Variants in PDZRN3 observed in about 807,000 individuals in gnomAD.
The protein encoded by PDZRN3 is PDZ domain containing ring finger 3.
A neutral mutation model predicts 85.7 loss-of-function variants in PDZRN3; 38 were observed. That is an observed-to-expected ratio of 0.44 (90% CI 0.34 to 0.58). The LOEUF (loss-of-function observed/expected upper bound fraction) is 0.58. Ranked by LOEUF, PDZRN3 falls within the 20% of genes least tolerant of loss-of-function variation. The probability of loss-of-function intolerance (pLI) is 0.01; values close to 1 mark genes in which losing one functional copy is unlikely to be tolerated. For synonymous variants in PDZRN3, 759 were observed against 638.0 expected, an observed-to-expected ratio of 1.19 and a Z score of -2.86; for missense variants, 1,629 against 1,506.4, an observed-to-expected ratio of 1.08 and a Z score of -1.35.
intron 1 of PDZRN3, 132 bp downstream of exon 1, chr3:73,623,971 C>G (rs1702912409): frequency 1.1e-5 from 10 of 870,808 alleles, no homozygotes; most frequent in Non-Finnish European, 6.5e-6. Flanking sequence ...AGCTGGTAAG[C>G]AGTGGAAGAA....
At chr3:73,473,728 A>G (rs1303731560) in intron 3 of PDZRN3, among the ~76,000 whole-genome samples, 1 of 152,200 alleles carries the variant, frequency 6.6e-6, no homozygotes, top group Non-Finnish European at 1.5e-5. Context: ...AAATGCCAGG[A>G]GCAGACCCAC....
At chr3:73,527,934 G>A (rs767823274) in intron 3 of PDZRN3, among the ~76,000 whole-genome samples, 2 of 152,132 alleles carry the variant, frequency 1.3e-5, no homozygotes, top group Non-Finnish European at 2.9e-5. Context: ...CTTATCCCAC[G>A]ATGAGCAGAT....
chr3:73,436,991 A>G (rs183247042), intron 3 of PDZRN3, among the ~76,000 whole-genome samples: 2 of 151,120 alleles, frequency 1.3e-5, no homozygotes, highest in Admixed American at 1.3e-4. Context: ...GGTTGCAGTT[A>G]GCCAAGATGG....
At chr3:73,424,020 A>C (rs1702256206) in intron 3 of PDZRN3, among the ~76,000 whole-genome samples, 1 of 152,168 alleles carries the variant, frequency 6.6e-6, no homozygotes, top group African/African-American at 2.4e-5. Context: ...TATTTATACA[A>C]AATGAAGTTG....
rs997359821 is a variant in PDZRN3 at position 73,506,536 on chromosome 3, C to T, written c.918+95818G>A. Among the ~76,000 whole-genome samples, 3 of 151,992 alleles carry T rather than the reference C, an allele frequency of 2.0e-5. No individual in the cohort carries two copies. The South Asian group carries it at 6.2e-4, about 32-fold the overall frequency. ...TCCAACTAGATAACAATCAGCTACT[C>T]AAATAATCTAGTGCCACTTTTTACT... is the stretch of plus-strand genomic sequence containing the variant. On this transcript the variant is annotated intron_variant, in intron 3 of 9. Coordinates refer to ENST00000263666, the MANE Select transcript of PDZRN3 (RefSeq NM_015009.3).
chr3:73,618,558 T>G (rs1343188376), intron 1 of PDZRN3, among the ~76,000 whole-genome samples: 1 of 152,168 alleles, frequency 6.6e-6, no homozygotes, highest in Non-Finnish European at 1.5e-5. Context: ...GCACCTTAAG[T>G]GTATGGCACC....
chr3:73,398,461 T>G (rs1218954762), intron 5 of PDZRN3, among the ~76,000 whole-genome samples: 8 of 152,182 alleles, frequency 5.3e-5, no homozygotes, highest in Admixed American at 5.2e-4. Flanking sequence ...AAGTGCAGAT[T>G]CTGATTCTGA....
Position 73,384,394 on chromosome 3 carries a change from G to C in PDZRN3, c.2172C>G (p.Ser724Arg), listed in dbSNP as rs1208333223. ...TGCTGGTGTTGTAGTTGCGGAAGCC[G>C]CTGTTGTGCAGCATCCAGGACTCGC... ...QYRESWMLHN[S>R]GFRNYNTSID... Residue 724 changes from serine to arginine, a missense_variant, in exon 10 of 10, where the codon AGC becomes AGG. Coordinates refer to ENST00000263666, the MANE Select transcript of PDZRN3 (RefSeq NM_015009.3). The C allele has an allele frequency of 1.2e-6, 2 of 1,609,384 alleles. No homozygotes were observed.
rs561812130 is a variant in PDZRN3, at chr3:73,383,326, G to A, written c.*39C>T. The A allele has an allele frequency of 2.1e-5, 32 of 1,534,416 alleles. No homozygotes were observed. In the South Asian group the frequency reaches 3.7e-4, roughly 18 times the overall value. ...CGAGGCAGGAATTTCTACCCCAGTG[G>A]TAGTGGTCTCCTTTATGTACATAAT... On this transcript the variant is annotated 3_prime_UTR_variant, in exon 10 of 10. Coordinates refer to ENST00000263666, the MANE Select transcript of PDZRN3 (RefSeq NM_015009.3).
At chr3:73,470,327 A>C (rs931492703) in intron 3 of PDZRN3, among the ~76,000 whole-genome samples, 6 of 152,220 alleles carry the variant, frequency 3.9e-5, no homozygotes, top group African/African-American at 1.2e-4. Flanking sequence ...TAGATAACTA[A>C]AATTATACCA....
intron 3 of PDZRN3, among the ~76,000 whole-genome samples, chr3:73,503,233 T>C (rs1298941167): frequency 6.6e-6 from 1 of 152,210 alleles, no homozygotes; most frequent in African/African-American, 2.4e-5. Context: ...CTATACTTGT[T>C]TTAATGGTTC....
At chr3:73,577,307 C>T (rs1043315085) in intron 3 of PDZRN3, among the ~76,000 whole-genome samples, 4 of 152,156 alleles carry the variant, frequency 2.6e-5, no homozygotes, top group Non-Finnish European at 4.4e-5. Flanking sequence ...ACTCATGCTC[C>T]CTTTACTCAC....
intron 3 of PDZRN3, among the ~76,000 whole-genome samples, chr3:73,419,759 A>G (rs1245489232): frequency 4.6e-5 from 7 of 152,188 alleles, no homozygotes; most frequent in Non-Finnish European, 1.0e-4. Flanking sequence ...CTGGCCATAT[A>G]CGTGTCTTAA....
chr3:73,620,197 C>A (rs9814536), intron 1 of PDZRN3, among the ~76,000 whole-genome samples: 19,898 of 152,100 alleles, frequency 0.13, 2,551 homozygotes, highest in African/African-American at 0.34. Flanking sequence ...TTTGAGTGAG[C>A]TGGAGAGCTG....
chr3:73,546,018 C>A (rs1478701374), intron 3 of PDZRN3, among the ~76,000 whole-genome samples: 1 of 152,200 alleles, frequency 6.6e-6, no homozygotes, highest in East Asian at 1.9e-4. Flanking sequence ...AGAACAGTAG[C>A]TGCCTGAGGG....
chr3:73,587,920 G>T (rs1702300667), intron 3 of PDZRN3, among the ~76,000 whole-genome samples: 1 of 152,076 alleles, frequency 6.6e-6, no homozygotes, highest in South Asian at 2.1e-4. Flanking sequence ...TCAATTTGAG[G>T]CAAAAATGTT....
intron 9 of PDZRN3, 52 bp downstream of exon 9, chr3:73,385,617 T>G: frequency 9.1e-7 from 1 of 1,100,222 alleles, no homozygotes; most frequent in Non-Finnish European, 1.4e-6. Flanking sequence ...GGAAGCAGAT[T>G]TTCCTCCAGC....
intron 3 of PDZRN3, among the ~76,000 whole-genome samples, chr3:73,443,443 C>G (rs1347526101): frequency 6.6e-6 from 1 of 151,276 alleles, no homozygotes; most frequent in East Asian, 1.9e-4. Flanking sequence ...TGACTTACAG[C>G]CTCTACTACT....
chr3:73,511,441 G>C (rs1359740390), intron 3 of PDZRN3, among the ~76,000 whole-genome samples: 1 of 152,164 alleles, frequency 6.6e-6, no homozygotes. Flanking sequence ...GGGTTTCCAG[G>C]GGGTGAACGT....
Sources: gnomAD v4.1 joint callset for allele counts (sites outside exome capture counted in the v4.1 genomes callset) on GRCh38, gnomAD v4.1.1 for gene constraint, MANE v1.5 for transcripts, NCBI Gene and HGNC (gene_info 2026-07-23, HGNC 2026-07-21) for gene names.